Variants in DMD observed in about 807,000 individuals in gnomAD.
DMD encodes the protein dystrophin, also known as mutant dystrophin.
A neutral mutation model predicts 330.1 loss-of-function variants in DMD; 63 were observed. That is an observed-to-expected ratio of 0.19 (90% CI 0.16 to 0.24). DMD has a LOEUF of 0.24. DMD is among the 10% of genes least tolerant of loss of function. DMD has a pLI of 1.00. For synonymous variants in DMD, 1,223 were observed against 959.8 expected, an observed-to-expected ratio of 1.27 and a Z score of -5.07; for missense variants, 3,344 against 2,684.1, an observed-to-expected ratio of 1.25 and a Z score of -5.43.
At chrX:32,222,500 A>G (rs2097135191) in intron 43 of DMD, among the ~76,000 whole-genome samples, 1 of 112,552 alleles carries the variant, frequency 8.9e-6, no homozygotes, top group African/African-American at 3.2e-5. Context: ...CTTTGAAAAG[A>G]TAAGTAAAAT....
intron 9 of DMD, 30 bp from the exon 10 acceptor site, chrX:32,645,182 C>T (rs760401940): frequency 8.4e-7 from 1 of 1,186,321 alleles, no homozygotes; most frequent in African/African-American, 1.8e-5. Context: ...GGGTGTTACA[C>T]AATTAATGTC....
At chrX:32,082,079 T>C (rs1298797641) in intron 44 of DMD, among the ~76,000 whole-genome samples, 4 of 110,882 alleles carry the variant, frequency 3.6e-5, no homozygotes, top group Admixed American at 1.9e-4. Context: ...CTTTTTGCAG[T>C]TTCATATTAC....
At position 31,734,916 on chromosome X, in the gene DMD, T is replaced by A. The variant is rs2086764836; in HGVS notation, c.7543-5168A>T. On this transcript the variant is annotated intron_variant, in intron 51 of 78. Transcript: ENST00000357033. ...TATACAAAACAGTTTTAAACACCAC[T>A]GCTCCTCATACCCAAGTGGCCACCA... Among the ~76,000 whole-genome samples the A allele has an allele frequency of 2.7e-5, 3 of 111,818 alleles. No homozygotes were observed. The South Asian group carries it at 1.1e-3, about 42-fold the overall frequency.
intron 55 of DMD, among the ~76,000 whole-genome samples, chrX:31,597,801 A>C (rs1475443080): frequency 8.9e-6 from 1 of 111,917 alleles, no homozygotes; most frequent in Admixed American, 9.5e-5. Flanking sequence ...TTTTATTTCT[A>C]ATAACTGGTA....
intron 7 of DMD, among the ~76,000 whole-genome samples, chrX:32,726,718 C>T (rs752430086): frequency 2.7e-5 from 3 of 110,722 alleles, no homozygotes; most frequent in South Asian, 3.8e-4. Flanking sequence ...TTATGACTGA[C>T]ATGATAATTA....
intron 13 of DMD, among the ~76,000 whole-genome samples, chrX:32,591,489 T>A (rs967491964): frequency 8.9e-6 from 1 of 112,144 alleles, no homozygotes; most frequent in African/African-American, 3.2e-5. Flanking sequence ...TTCTTTATGG[T>A]CTTTTTATAG....
chrX:32,177,064 T>A (rs1343173800), intron 44 of DMD, among the ~76,000 whole-genome samples: 1 of 111,655 alleles, frequency 9.0e-6, no homozygotes, highest in African/African-American at 3.3e-5. Flanking sequence ...AACTCTGCAA[T>A]CGTTCAACTT....
intron 43 of DMD, among the ~76,000 whole-genome samples, chrX:32,219,487 T>G (rs1603628538): frequency 8.9e-6 from 1 of 112,035 alleles, no homozygotes; most frequent in East Asian, 2.8e-4. Flanking sequence ...TACAATGTGC[T>G]TTTCATATTG....
chrX:33,280,441 TAC>T (rs1242898361), intron 1 of DMD, among the ~76,000 whole-genome samples: 1 of 112,261 alleles, frequency 8.9e-6, no homozygotes, highest in African/African-American at 3.2e-5. Context: ...GAGTAAGTTT[TAC>T]AGTTTAAGTT....
At chrX:31,951,159 GTATATATATATA>G (rs747836033) in intron 45 of DMD, among the ~76,000 whole-genome samples, 1,437 of 71,661 alleles carry the variant, frequency 0.02, 46 homozygotes, top group African/African-American at 0.075. Context: ...ATATATATAT[GTATATATATATA>G]TATGTATATA....
intron 62 of DMD, among the ~76,000 whole-genome samples, chrX:31,307,212 G>GA (rs1337521168): frequency 9.0e-6 from 1 of 111,479 alleles, no homozygotes; most frequent in Non-Finnish European, 1.9e-5. Flanking sequence ...TAACTTCTCA[G>GA]AAAAAATGAC....
At chrX:31,783,694 G>C (rs1005847115) in intron 50 of DMD, among the ~76,000 whole-genome samples, 14 of 110,862 alleles carry the variant, frequency 1.3e-4, no homozygotes, top group African/African-American at 4.6e-4. Context: ...TGTATATATA[G>C]TCTAAATATA....
chrX:32,092,397 C>T (rs1026861220), intron 44 of DMD, among the ~76,000 whole-genome samples: 14 of 111,638 alleles, frequency 1.3e-4, no homozygotes, highest in African/African-American at 3.6e-4. Context: ...CTTTCAGTAC[C>T]GCAGAGAAAA....
intron 49 of DMD, among the ~76,000 whole-genome samples, chrX:31,835,354 T>G (rs2093172501): frequency 8.9e-6 from 1 of 112,013 alleles, no homozygotes. Context: ...CATGGCTTGC[T>G]ACAATGAAAG....
In DMD at chrX:32,890,034, T is replaced by G. The variant is rs778370850; in HGVS notation, c.94-40214A>C. Among the ~76,000 whole-genome samples, 80 of 111,662 alleles carry G rather than the reference T, an allele frequency of 7.2e-4. 1 individual carries two copies. The highest frequency in any genetic ancestry group is 1.3e-4 in the Non-Finnish European group (7 of 53,173). On this transcript the variant is annotated intron_variant, in intron 2 of 78. Transcript: ENST00000357033. ...TAAGTTCAGATTCAAGAAAAGGCAGTTATTGAGATTCACTGCCACTGCATG... is the reference window on the plus strand; with the variant it reads ...TAAGTTCAGATTCAAGAAAAGGCAGGTATTGAGATTCACTGCCACTGCATG...
intron 43 of DMD, among the ~76,000 whole-genome samples, chrX:32,229,711 TA>T: frequency 1.2e-5 from 1 of 82,356 alleles, no homozygotes; most frequent in Non-Finnish European, 2.3e-5. Context: ...TATATATATA[TA>T]TATATATATA....
intron 17 of DMD, among the ~76,000 whole-genome samples, chrX:32,541,541 A>G (rs184161016): frequency 4.1e-3 from 457 of 112,497 alleles, no homozygotes; most frequent in Non-Finnish European, 6.4e-3. Flanking sequence ...GCTAGTAATT[A>G]AAACAGGCAG....
chrX:32,368,334 T>C (rs1163649673), intron 34 of DMD, among the ~76,000 whole-genome samples: 3 of 111,036 alleles, frequency 2.7e-5, no homozygotes, highest in Non-Finnish European at 5.7e-5. Flanking sequence ...ACATTTTTTT[T>C]TGGAAACAGA....
At chrX:32,409,042 G>C (rs2098131422) in intron 30 of DMD, among the ~76,000 whole-genome samples, 1 of 110,779 alleles carries the variant, frequency 9.0e-6, no homozygotes, top group Non-Finnish European at 1.9e-5. Flanking sequence ...TCTAACTTTT[G>C]ACTCTCTATT....
Sources: allele counts gnomAD v4.1 joint callset (sites outside exome capture counted in the v4.1 genomes callset), GRCh38; gene constraint gnomAD v4.1.1; transcripts MANE v1.5; gene names NCBI Gene and HGNC (gene_info 2026-07-23, HGNC 2026-07-21).